The following PARD3B variants were observed in gnomAD, a reference collection of about 807,000 sequenced individuals.
PARD3B encodes par-3 family cell polarity regulator beta.
In PARD3B, 103 loss-of-function variants were observed where a neutral mutation model predicts 130.2. That is an observed-to-expected ratio of 0.79 (90% CI 0.67 to 0.93). The LOEUF (loss-of-function observed/expected upper bound fraction) is 0.93. Among genes scored for constraint, PARD3B ranks in the 40% least tolerant of loss-of-function variants. The probability of loss-of-function intolerance (pLI) is 0.00; values close to 1 mark genes in which losing one functional copy is unlikely to be tolerated. For missense variants in PARD3B, 1,609 were observed against 1,499.2 expected (o/e 1.07, Z -1.21); for synonymous variants, 583 against 553.2 (o/e 1.05, Z -0.76).
intron 5 of PARD3B, 67 bp downstream of exon 5, chr2:205,104,581 A>C (rs748969127): frequency 4.3e-4 from 479 of 1,113,126 alleles, no homozygotes; most frequent in Non-Finnish European, 6.2e-4. Context: ...AATAGTTTAT[A>C]ATTGTTCTTA....
rs2037236531 is a variant in PARD3B, at chr2:204,689,101, T to C, written c.222+2819T>C. Among the ~76,000 whole-genome samples the C allele has an allele frequency of 6.6e-6, 1 of 152,140 alleles. No individual in the cohort carries two copies. The highest frequency in any genetic ancestry group is 2.4e-5 in the African/African-American group (1 of 41,444). On this transcript the variant is annotated intron_variant, in intron 2 of 22. Coordinates refer to ENST00000406610, the MANE Select transcript of PARD3B (RefSeq NM_001302769.2). This position sits in a 1 kb window ranked among gnomAD's most constrained non-coding sequence, Gnocchi z 5.2. ...ACCATCCCATACACTTCAGTAAAGG[T>C]AGAAACTAGAGGTTAAATGATATTG... is the stretch of plus-strand genomic sequence containing the variant.
chr2:204,921,774 A>G (rs1462187692), intron 2 of PARD3B, among the ~76,000 whole-genome samples: 1 of 152,152 alleles, frequency 6.6e-6, no homozygotes, highest in Non-Finnish European at 1.5e-5. Flanking sequence ...AGTGTGGAAA[A>G]GAATTAGAGA....
intron 16 of PARD3B, among the ~76,000 whole-genome samples, chr2:205,270,344 G>A (rs898568682): frequency 7.9e-5 from 12 of 151,970 alleles, no homozygotes; most frequent in African/African-American, 1.5e-4. Flanking sequence ...CGAGGCAGGC[G>A]GATCACAAGG....
chr2:205,057,116 T>G (rs1043504868), intron 4 of PARD3B, among the ~76,000 whole-genome samples: 2 of 151,580 alleles, frequency 1.3e-5, no homozygotes, highest in African/African-American at 4.8e-5. Context: ...ATTTGTAATT[T>G]GTCCACCGAG....
intron 22 of PARD3B, among the ~76,000 whole-genome samples, chr2:205,595,060 G>A (rs754748164): frequency 1.8e-4 from 28 of 152,298 alleles, no homozygotes; most frequent in Non-Finnish European, 2.8e-4. Context: ...CCCTGCAAGG[G>A]GAGGAAAGGC....
chr2:205,618,110 T>G lies in PARD3B; in HGVS notation c.*2297T>G, dbSNP rs746563367. On this transcript the variant is annotated 3_prime_UTR_variant, in exon 23 of 23. Transcript: ENST00000406610. ...ACTGCTCCAAAGCTGGGTTTTGTGTTGCATACAAAGTCAATAAAATAGTTG... is the reference window on the plus strand; with the variant it reads ...ACTGCTCCAAAGCTGGGTTTTGTGTGGCATACAAAGTCAATAAAATAGTTG... 5 of 152,220 alleles carry G rather than the reference T, an allele frequency of 3.3e-5. No individual in the cohort carries two copies. Among genetic ancestry groups the G allele is most frequent in the Non-Finnish European group, 7.3e-5 (5 of 68,038 alleles). 9.4% of individuals were successfully genotyped at this position (152,220 alleles called of 1,614,324 possible).
In PARD3B at chr2:205,253,489, G is replaced by A. The variant is rs2039945357; in HGVS notation, c.2185+7667G>A. On this transcript the variant is annotated intron_variant, in intron 16 of 22. Transcript: ENST00000406610. This position sits in a 1 kb window ranked among gnomAD's most constrained non-coding sequence, Gnocchi z 4.4. ...GATGCAAAGAGACCAAACTTGGCGG[G>A]CACTGGAAGTACCTGGGGAAGCAGG... 1 of 557,450 alleles carries A rather than the reference G, an allele frequency of 1.8e-6. No homozygotes were observed. Among genetic ancestry groups the A allele is most frequent in the Non-Finnish European group, 3.6e-6 (1 of 275,262 alleles). 34.5% of individuals were successfully genotyped at this position (557,450 alleles called of 1,614,324 possible).
intron 22 of PARD3B, among the ~76,000 whole-genome samples, chr2:205,612,438 G>A (rs374329299): frequency 1.9e-4 from 29 of 152,078 alleles, no homozygotes; most frequent in African/African-American, 5.5e-4. Context: ...CACCGCCCCC[G>A]GCCAAAATTA....
rs566376921 is a variant in PARD3B at position 205,345,716 on chromosome 2, G to A, written c.2630+44015G>A. On this transcript the variant is annotated intron_variant, in intron 18 of 22. Transcript: ENST00000406610. ...GAAAGTGAAGCTGGACTGAAACCAG[G>A]GAATCAAATAAAAATCTACTCCCAG... 5.3e-4 allele frequency among the ~76,000 whole-genome samples: 79 copies of A among 149,454 alleles called. 1 individual carries two copies. The highest frequency in any genetic ancestry group is 1.4e-3 in the African/African-American group (58 of 41,132).
chr2:205,339,487 C>T (rs78329505), intron 18 of PARD3B, among the ~76,000 whole-genome samples: 8 of 152,296 alleles, frequency 5.3e-5, no homozygotes, highest in Non-Finnish European at 1.2e-4. Flanking sequence ...TAGAAATTAT[C>T]TGAGAACCCA....
At chr2:204,938,894 T>A (rs1202810035) in intron 2 of PARD3B, among the ~76,000 whole-genome samples, 1 of 152,178 alleles carries the variant, frequency 6.6e-6, no homozygotes, top group Non-Finnish European at 1.5e-5. Flanking sequence ...TCTGGATGAA[T>A]AAGTGAACTC....
chr2:204,750,910 A>G (rs1433478413), intron 2 of PARD3B, among the ~76,000 whole-genome samples: 1 of 152,120 alleles, frequency 6.6e-6, no homozygotes, highest in African/African-American at 2.4e-5. Context: ...AAAAATGTAA[A>G]CCATCCTTAC....
rs770041886 is a variant in PARD3B, at chr2:205,176,398, T to C, written c.1792-47T>C. ...TTCACTTTGCTTCAACTGACCAAGTTGGAACATATTAAAAATGCAAATGTA... is the reference window on the plus strand; with the variant it reads ...TTCACTTTGCTTCAACTGACCAAGTCGGAACATATTAAAAATGCAAATGTA... On this transcript the variant is annotated intron_variant, in intron 12 of 22. Coordinates refer to ENST00000406610, the MANE Select transcript of PARD3B (RefSeq NM_001302769.2). The surrounding 1 kb of genome is among the most constrained non-coding windows in gnomAD (Gnocchi z 5.3). 1.9e-6 allele frequency: 3 copies of C among 1,539,402 alleles called. No individual in the cohort carries two copies. Among genetic ancestry groups the C allele is most frequent in the Non-Finnish European group, 2.6e-6 (3 of 1,136,018 alleles).
At chr2:204,804,009 T>A (rs1268713085) in intron 2 of PARD3B, among the ~76,000 whole-genome samples, 1 of 151,616 alleles carries the variant, frequency 6.6e-6, no homozygotes, top group African/African-American at 2.4e-5. Flanking sequence ...CAGCCAGGAG[T>A]TTGAGACTAG....
At chr2:205,549,165 A>C (rs2106481840) in intron 21 of PARD3B, among the ~76,000 whole-genome samples, 1 of 152,250 alleles carries the variant, frequency 6.6e-6, no homozygotes, top group Admixed American at 6.5e-5. Flanking sequence ...ATTCACCAGG[A>C]ACTCTCATTT....
chr2:204,728,546 A>G (rs1198263106), intron 2 of PARD3B, among the ~76,000 whole-genome samples: 2 of 152,204 alleles, frequency 1.3e-5, no homozygotes, highest in Non-Finnish European at 2.9e-5. Flanking sequence ...GATTGATCCT[A>G]TAATGGATTC....
chr2:205,451,968 C>T (rs1023566926), intron 20 of PARD3B, among the ~76,000 whole-genome samples: 14 of 152,174 alleles, frequency 9.2e-5, no homozygotes, highest in Admixed American at 3.9e-4. Context: ...CTCCCTTCCA[C>T]CGCTCTGTCT....
intron 20 of PARD3B, among the ~76,000 whole-genome samples, chr2:205,443,293 G>C (rs1282886949): frequency 5.9e-5 from 9 of 152,160 alleles, no homozygotes; most frequent in Admixed American, 5.9e-4. Flanking sequence ...CATACGTACT[G>C]TTAGAGGGCA....
At chr2:204,928,091 T>G (rs1687766352) in intron 2 of PARD3B, among the ~76,000 whole-genome samples, 1 of 152,160 alleles carries the variant, frequency 6.6e-6, no homozygotes, top group Admixed American at 6.5e-5. Context: ...TGGGTAGTTT[T>G]AGGTCAATTA....
Sources: allele counts gnomAD v4.1 joint callset (sites outside exome capture counted in the v4.1 genomes callset), GRCh38; gene constraint gnomAD v4.1.1; non-coding constraint Gnocchi (gnomAD v3.1); transcripts MANE v1.5; gene names NCBI Gene and HGNC (gene_info 2026-07-23, HGNC 2026-07-21).